PLXNA2: variants seen among roughly 807,000 people sequenced by gnomAD.
The protein encoded by PLXNA2 is plexin A2.
PLXNA2 carries 91 observed loss-of-function variants against 193.5 expected under a neutral mutation model. The observed-to-expected ratio is 0.47, with a 90% CI of 0.40 to 0.56. The LOEUF is 0.56. Among genes scored for constraint, PLXNA2 ranks in the 20% least tolerant of loss-of-function variants. PLXNA2 has a pLI of 0.00. For missense variants in PLXNA2, 1,995 were observed against 2,503.2 expected, an observed-to-expected ratio of 0.80 and a Z score of 4.33; for synonymous variants, 997 against 1,027.3, an observed-to-expected ratio of 0.97 and a Z score of 0.56.
intron 1 of PLXNA2, among the ~76,000 whole-genome samples, chr1:208,232,356 T>C (rs1190180954): frequency 6.6e-6 from 1 of 152,210 alleles, no homozygotes; most frequent in Non-Finnish European, 1.5e-5. Flanking sequence ...GGCTCCTATC[T>C]GCCTTGACTC....
chr1:208,131,118 G>C (rs1157228607), intron 4 of PLXNA2, among the ~76,000 whole-genome samples: 1 of 152,122 alleles, frequency 6.6e-6, no homozygotes, highest in African/African-American at 2.4e-5. Flanking sequence ...GGGGCACCCA[G>C]AGCCCTGGCC....
At chr1:208,084,909 C>A (rs1187921538) in intron 9 of PLXNA2, among the ~76,000 whole-genome samples, 1 of 152,154 alleles carries the variant, frequency 6.6e-6, no homozygotes, top group African/African-American at 2.4e-5. Context: ...AACCTGGCAC[C>A]CCTACCTCTG....
chr1:208,034,076 T>A (rs868836380), intron 27 of PLXNA2, among the ~76,000 whole-genome samples: 3 of 152,214 alleles, frequency 2.0e-5, no homozygotes. Context: ...CCGGAGGGCC[T>A]GGGGGCCCCA....
intron 1 of PLXNA2, among the ~76,000 whole-genome samples, chr1:208,241,682 T>C (rs1340230620): frequency 2.6e-5 from 4 of 152,196 alleles, no homozygotes; most frequent in East Asian, 1.9e-4. Flanking sequence ...TTTGCCCCCA[T>C]CCTAATGCAA....
At chr1:208,214,572 C>A (rs79269300) in intron 2 of PLXNA2, among the ~76,000 whole-genome samples, 8,764 of 152,246 alleles carry the variant, frequency 0.058, 368 homozygotes, top group East Asian at 0.15. Context: ...ACGGCAGGCA[C>A]CTTCAATTTA....
Position 208,168,723 on chromosome 1 carries a change from G to GTTTTTTTTTTTTTTTTTTTTTT in PLXNA2, c.1372-26261_1372-26260insAAAAAAAAAAAAAAAAAAAAAA, listed in dbSNP as rs751893998. On this transcript the variant is annotated intron_variant, in intron 3 of 31. Transcript: ENST00000367033. ...CAAAAAGAAGACAAAGAGTATGCGGGGTTTTTTTTTTTTTTTTTTTTTTTT... is the reference window on the plus strand; with the variant it reads ...CAAAAAGAAGACAAAGAGTATGCGGGTTTTTTTTTTTTTTTTTTTTTTGTTTTTTTTTTTTTTTTTTTTTTTT... Among the ~76,000 whole-genome samples, 19 of 102,236 alleles carry GTTTTTTTTTTTTTTTTTTTTTT rather than the reference G, an allele frequency of 1.9e-4. 5 individuals carry two copies. The highest frequency in any genetic ancestry group is 1.2e-3 in the East Asian group (3 of 2,486). 67.1% of individuals were successfully genotyped at this position (102,236 alleles called of 152,430 possible). A position where few individuals can be genotyped will look rare whatever the true frequency, so the allele number is the denominator to read the frequency against.
intron 11 of PLXNA2, among the ~76,000 whole-genome samples, chr1:208,080,765 G>A (rs777053188): frequency 1.4e-4 from 22 of 152,164 alleles, no homozygotes; most frequent in Admixed American, 9.2e-4. Context: ...TCATACCCAT[G>A]AGCTCATTTG....
intron 31 of PLXNA2, 130 bp from the exon 32 acceptor site, chr1:208,027,468 T>A (rs1664376980): frequency 1.6e-6 from 1 of 624,938 alleles, no homozygotes; most frequent in Non-Finnish European, 2.8e-6. Context: ...CTTAAATAAT[T>A]TAAATGATTA....
chr1:208,037,992 A>T (rs1460088236), intron 26 of PLXNA2, among the ~76,000 whole-genome samples: 3 of 152,230 alleles, frequency 2.0e-5, no homozygotes, highest in African/African-American at 7.2e-5. Context: ...GTAAGATGCT[A>T]AAGAGAGAAA....
intron 3 of PLXNA2, among the ~76,000 whole-genome samples, chr1:208,190,857 C>A (rs1670156738): frequency 6.6e-6 from 1 of 152,190 alleles, no homozygotes; most frequent in South Asian, 2.1e-4. Flanking sequence ...TGAATGAACA[C>A]TCTAATAATG....
Position 208,190,412 on chromosome 1 carries a change from T to C in PLXNA2, c.1371+19868A>G, listed in dbSNP as rs1670141843. ...TTAATCTCCCTGAGTCTTAGTTTTCTTATCTCAAAAAATATAGTACCTATG... is the reference window on the plus strand; with the variant it reads ...TTAATCTCCCTGAGTCTTAGTTTTCCTATCTCAAAAAATATAGTACCTATG... On this transcript the variant is annotated intron_variant, in intron 3 of 31. Coordinates refer to ENST00000367033, the MANE Select transcript of PLXNA2 (RefSeq NM_025179.4). Among the ~76,000 whole-genome samples the C allele has an allele frequency of 7.2e-5, 11 of 152,380 alleles. No homozygotes were observed. In the South Asian group the frequency reaches 2.3e-3, roughly 32 times the overall value.
In PLXNA2 at chr1:208,022,271, T is replaced by A. The variant is rs1024607253; in HGVS notation, c.*4972A>T. ...TTTAAAGATTTAAGGTTTTTTTAAT[T>A]CAGTAAACTTTATTTATATATAACA... On this transcript the variant is annotated 3_prime_UTR_variant, in exon 32 of 32. Coordinates refer to ENST00000367033, the MANE Select transcript of PLXNA2 (RefSeq NM_025179.4). The A allele has an allele frequency of 1.3e-5, 2 of 152,628 alleles. No individual in the cohort carries two copies. The highest frequency in any genetic ancestry group is 4.8e-5 in the African/African-American group (2 of 41,506). The allele number at this position is 152,628 out of a possible 1,614,324, so 9.5% of individuals were successfully genotyped here. A position where few individuals can be genotyped will look rare whatever the true frequency, so the allele number is the denominator to read the frequency against.
At position 208,042,355 on chromosome 1, in the gene PLXNA2, G is replaced by A. The variant is rs770083675; in HGVS notation, c.4029C>T (p.Asn1343=). ...GGGCCTTCTCCACGTGCTGCTGCCC[G>A]TTTCCTTGTACCTGGGGTGGGGTGT... is the stretch of plus-strand genomic sequence containing the variant. ...PVLRELEVQG[N]GQQHVEKALK... is the part of the protein sequence containing the mutation. The change falls in exon 22 of 32, where the codon AAC becomes AAT. Residue 1343 remains asparagine (N), a synonymous_variant. Transcript: ENST00000367033. 5.3e-5 allele frequency: 86 copies of A among 1,613,388 alleles called. No individual in the cohort carries two copies. The highest frequency in any genetic ancestry group is 1.9e-4 in the South Asian group (17 of 91,046).
chr1:208,072,999 C>T (rs757164593), intron 12 of PLXNA2, among the ~76,000 whole-genome samples: 8 of 152,156 alleles, frequency 5.3e-5, no homozygotes, highest in South Asian at 2.1e-4. Flanking sequence ...TGGAGGAAGT[C>T]GGCCTTCTGC....
At chr1:208,202,061 C>A (rs1670569436) in intron 3 of PLXNA2, among the ~76,000 whole-genome samples, 1 of 151,678 alleles carries the variant, frequency 6.6e-6, no homozygotes, top group Non-Finnish European at 1.5e-5. Flanking sequence ...TCACTGCAAC[C>A]TCTGCCTCCT....
At chr1:208,139,645 T>C (rs771526412) in intron 4 of PLXNA2, among the ~76,000 whole-genome samples, 12 of 152,176 alleles carry the variant, frequency 7.9e-5, no homozygotes, top group Admixed American at 2.0e-4. Flanking sequence ...CTCTCAGCTA[T>C]AAAAGAGGAA....
At chr1:208,100,836 A>G (rs1667071622) in intron 5 of PLXNA2, among the ~76,000 whole-genome samples, 1 of 152,104 alleles carries the variant, frequency 6.6e-6, no homozygotes, top group African/African-American at 2.4e-5. Context: ...TGGGCAGGTG[A>G]CACCAGCACT....
chr1:208,052,699 C>A (rs1030136180), intron 14 of PLXNA2, among the ~76,000 whole-genome samples: 1 of 152,082 alleles, frequency 6.6e-6, no homozygotes, highest in Non-Finnish European at 1.5e-5. Flanking sequence ...TTAATTAACT[C>A]CCCAGAGTCT....
chr1:208,104,429 T>C (rs566952175), intron 4 of PLXNA2, among the ~76,000 whole-genome samples: 16 of 152,000 alleles, frequency 1.1e-4, no homozygotes, highest in Non-Finnish European at 2.4e-4. Context: ...CCAGTGGGAG[T>C]TGGTAATGAC....
Sources: gnomAD v4.1 joint callset for allele counts (sites outside exome capture counted in the v4.1 genomes callset) on GRCh38, gnomAD v4.1.1 for gene constraint, MANE v1.5 for transcripts, NCBI Gene and HGNC (gene_info 2026-07-23, HGNC 2026-07-21) for gene names.